Variants in NALF1 observed in about 807,000 individuals in gnomAD.
NALF1 encodes the protein family with sequence similarity 155 member A.
A neutral mutation model predicts 48.4 loss-of-function variants in NALF1; 3 were observed. The observed-to-expected ratio is 0.06, with a 90% CI of 0.03 to 0.16. The LOEUF (loss-of-function observed/expected upper bound fraction) is 0.16, where lower values mean the gene tolerates loss of function less well. Ranked by LOEUF, NALF1 falls within the 10% of genes least tolerant of loss-of-function variation. The pLI is 1.00. For synonymous variants in NALF1, 262 were observed against 245.7 expected (o/e 1.07, Z -0.62); for missense variants, 526 against 571.5 (o/e 0.92, Z 0.81).
intron 1 of NALF1, among the ~76,000 whole-genome samples, chr13:107,614,013 G>A (rs1461842652): frequency 1.3e-5 from 2 of 152,158 alleles, no homozygotes; most frequent in Admixed American, 1.3e-4. Context: ...GGTAAGTACT[G>A]ACCTAGCTTT....
chr13:107,261,263 C>T (rs1011332526), intron 1 of NALF1, among the ~76,000 whole-genome samples: 2 of 152,132 alleles, frequency 1.3e-5, no homozygotes, highest in African/African-American at 4.8e-5. Context: ...TTTTACCTTC[C>T]CTCTGCTCTT....
chr13:107,284,293 G>C (rs1177773838), intron 1 of NALF1, among the ~76,000 whole-genome samples: 1 of 148,860 alleles, frequency 6.7e-6, no homozygotes, highest in Non-Finnish European at 1.5e-5. Flanking sequence ...CAAATGTCCA[G>C]TTTTCAATGA....
At chr13:107,801,521 A>T (rs1878611570) in intron 1 of NALF1, among the ~76,000 whole-genome samples, 1 of 152,228 alleles carries the variant, frequency 6.6e-6, no homozygotes, top group African/African-American at 2.4e-5. Flanking sequence ...AGGCAATAAT[A>T]ATAAGACAGA....
chr13:107,724,190 A>G (rs1365232184), intron 1 of NALF1, among the ~76,000 whole-genome samples: 1 of 152,138 alleles, frequency 6.6e-6, no homozygotes, highest in Non-Finnish European at 1.5e-5. Flanking sequence ...CTTCTGCATC[A>G]GTTGCTTTTC....
At chr13:107,421,400 T>C (rs1390235525) in intron 1 of NALF1, among the ~76,000 whole-genome samples, 3 of 152,206 alleles carry the variant, frequency 2.0e-5, no homozygotes, top group African/African-American at 4.8e-5. Context: ...GTGTAATTTA[T>C]GGAAATAAAA....
At chr13:107,571,705 G>A (rs555992106) in intron 1 of NALF1, among the ~76,000 whole-genome samples, 1 of 152,300 alleles carries the variant, frequency 6.6e-6, no homozygotes, top group African/African-American at 2.4e-5. Flanking sequence ...AATGGGGAAA[G>A]TATTATAGAA....
At chr13:107,217,808 G>A (rs1174198186) in intron 1 of NALF1, among the ~76,000 whole-genome samples, 1 of 152,132 alleles carries the variant, frequency 6.6e-6, no homozygotes, top group Non-Finnish European at 1.5e-5. Flanking sequence ...TCTCTCACTT[G>A]GATTTCTGCC....
At chr13:107,534,017 G>A (rs185012597) in intron 1 of NALF1, among the ~76,000 whole-genome samples, 6 of 152,146 alleles carry the variant, frequency 3.9e-5, no homozygotes, top group African/African-American at 1.2e-4. Flanking sequence ...AAAAGGGAGA[G>A]GGAGACTGAA....
At chr13:107,451,699 C>A (rs1566348317) in intron 1 of NALF1, among the ~76,000 whole-genome samples, 1 of 152,204 alleles carries the variant, frequency 6.6e-6, no homozygotes, top group Non-Finnish European at 1.5e-5. Flanking sequence ...GTTCACATTT[C>A]TGCTCAGTTT....
At chr13:107,710,797 GTATA>G (rs910087927) in intron 1 of NALF1, among the ~76,000 whole-genome samples, 1 of 122,666 alleles carries the variant, frequency 8.2e-6, no homozygotes, top group African/African-American at 3.0e-5. Context: ...ACACATATAT[GTATA>G]TATACATATA....
intron 1 of NALF1, among the ~76,000 whole-genome samples, chr13:107,785,043 G>GGT (rs1359055278): frequency 5.3e-5 from 8 of 151,362 alleles, no homozygotes; most frequent in Non-Finnish European, 1.0e-4. Flanking sequence ...GATAAACTGT[G>GGT]GTGTGTGTGT....
chr13:107,172,048 T>G (rs1157327330), intron 2 of NALF1, among the ~76,000 whole-genome samples: 1 of 152,174 alleles, frequency 6.6e-6, no homozygotes, highest in African/African-American at 2.4e-5. Flanking sequence ...CACTGCTCAA[T>G]GTTCCCGCAA....
intron 1 of NALF1, among the ~76,000 whole-genome samples, chr13:107,456,368 T>C (rs1010200632): frequency 1.3e-5 from 2 of 152,242 alleles, no homozygotes; most frequent in African/African-American, 4.8e-5. Flanking sequence ...TTTTTCAAAA[T>C]TTATTTCTTA....
At chr13:107,285,468 T>C (rs1263544780) in intron 1 of NALF1, among the ~76,000 whole-genome samples, 1 of 152,216 alleles carries the variant, frequency 6.6e-6, no homozygotes, top group Non-Finnish European at 1.5e-5. Context: ...AAGTAGCTAA[T>C]GCATTTTTTC....
Position 107,423,704 on chromosome 13 carries a change from G to T in NALF1, c.916-212949C>A, listed in dbSNP as rs558199495. Among the ~76,000 whole-genome samples, 7 of 152,136 alleles carry T rather than the reference G, an allele frequency of 4.6e-5. No homozygotes were observed. The East Asian group carries it at 1.4e-3, about 29-fold the overall frequency. Reference sequence around the variant, plus strand: ...ACCTCATTATAATTTCTTCTGATGAGAATCTACAATATTCTCATACTGAAT... The same window carrying T: ...ACCTCATTATAATTTCTTCTGATGATAATCTACAATATTCTCATACTGAAT... On this transcript the variant is annotated intron_variant, in intron 1 of 2. Transcript: ENST00000375915.
At chr13:107,281,275 C>T (rs747597008) in intron 1 of NALF1, among the ~76,000 whole-genome samples, 11 of 152,146 alleles carry the variant, frequency 7.2e-5, no homozygotes, top group Non-Finnish European at 1.6e-4. Context: ...TGATAAGTCC[C>T]ATATGAGCAT....
At chr13:107,245,227 A>AT (rs1880556325) in intron 1 of NALF1, among the ~76,000 whole-genome samples, 1 of 152,236 alleles carries the variant, frequency 6.6e-6, no homozygotes, top group Non-Finnish European at 1.5e-5. Context: ...TAATATAATG[A>AT]TAGCTACTTC....
At chr13:107,792,997 G>A (rs900388152) in intron 1 of NALF1, among the ~76,000 whole-genome samples, 2 of 152,122 alleles carry the variant, frequency 1.3e-5, no homozygotes, top group African/African-American at 4.8e-5. Flanking sequence ...TAGCTCCAAT[G>A]TCCTTAATTT....
intron 1 of NALF1, among the ~76,000 whole-genome samples, chr13:107,323,180 A>G (rs1163973625): frequency 1.3e-5 from 2 of 152,140 alleles, no homozygotes; most frequent in Admixed American, 6.6e-5. Flanking sequence ...TCAAGTCTCT[A>G]TCTCCACAAA....
Sources: allele counts gnomAD v4.1 joint callset (sites outside exome capture counted in the v4.1 genomes callset), GRCh38; gene constraint gnomAD v4.1.1; transcripts MANE v1.5; gene names NCBI Gene and HGNC (gene_info 2026-07-23, HGNC 2026-07-21).